Variants in ADCY7 observed in about 807,000 individuals in gnomAD.
ADCY7 encodes the protein adenylate cyclase 7.
A neutral mutation model predicts 120.6 loss-of-function variants in ADCY7; 72 were observed. That is an observed-to-expected ratio of 0.60 (90% CI 0.49 to 0.73). The LOEUF is 0.73. Among genes scored for constraint, ADCY7 ranks in the 30% least tolerant of loss-of-function variants. The probability of loss-of-function intolerance (pLI) is 0.00; values close to 1 mark genes in which losing one functional copy is unlikely to be tolerated. For synonymous variants in ADCY7, 661 were observed against 628.0 expected (o/e 1.05, Z -0.78); for missense variants, 1,227 against 1,486.0 (o/e 0.83, Z 2.87).
chr16:50,307,264 T>C, intron 15 of ADCY7, 117 bp downstream of exon 15: 1 of 892,174 alleles, frequency 1.1e-6, no homozygotes, highest in Non-Finnish European at 1.7e-6. Flanking sequence ...GCTGGGGTCC[T>C]AGCAACTGGA....
intron 17 of ADCY7, 71 bp downstream of exon 17, chr16:50,308,863 TG>T: frequency 6.6e-7 from 1 of 1,516,104 alleles, no homozygotes; most frequent in Non-Finnish European, 8.8e-7. Context: ...GCCTACAATG[TG>T]GCCTTAAAAG....
chr16:50,258,715 C>T (rs1052359444), intron 1 of ADCY7, among the ~76,000 whole-genome samples: 1 of 151,792 alleles, frequency 6.6e-6, no homozygotes, highest in Non-Finnish European at 1.5e-5. Context: ...ATCTCAGCCT[C>T]CCAAGTAGCT....
rs2036773546 is a variant in ADCY7 at position 50,315,806 on chromosome 16, G to C, written c.*301G>C. ...TGACTTTGAGATCTTTGTTCCCTGA[G>C]GTGCCAGGCAGGCAACTTTAGCACA... On this transcript the variant is annotated 3_prime_UTR_variant, in exon 26 of 26. Coordinates refer to ENST00000673801, the MANE Select transcript of ADCY7 (RefSeq NM_001114.5). The C allele has an allele frequency of 3.1e-6, 1 of 317,788 alleles. No individual in the cohort carries two copies. The highest frequency in any genetic ancestry group is 6.0e-6 in the Non-Finnish European group (1 of 165,606). The allele number at this position is 317,788 out of a possible 1,614,324, so 19.7% of individuals were successfully genotyped here.
At chr16:50,262,795 G>C (rs2033094503), upstream of ADCY7, among the ~76,000 whole-genome samples, 1 of 152,216 alleles carries the variant, frequency 6.6e-6, no homozygotes, top group Admixed American at 6.5e-5. Flanking sequence ...GGGTTGTGCT[G>C]TGTGCCCTGG....
chr16:50,259,188 G>A (rs903941696), intron 1 of ADCY7, among the ~76,000 whole-genome samples: 4 of 152,100 alleles, frequency 2.6e-5, no homozygotes, highest in Admixed American at 6.6e-5. Flanking sequence ...TTTTCTTCCC[G>A]ATTTTCTTGT....
chr16:50,308,410 C>G lies in ADCY7; in HGVS notation c.1934C>G (p.Ser645Trp). The G allele has an allele frequency of 6.2e-7, 1 of 1,614,172 alleles. No homozygotes were observed. The highest frequency in any genetic ancestry group is 8.5e-7 in the Non-Finnish European group (1 of 1,180,028). The change falls in exon 16 of 26, where the codon TCG (serine) becomes TGG (tryptophan). Residue 645 changes from serine to tryptophan, a missense_variant and splice_region_variant. Around this residue, in one of 5 missense-constraint regions of ADCY7, gnomAD observed 267 missense variants for 270.0 expected, o/e 0.99. Coordinates refer to ENST00000673801, the MANE Select transcript of ADCY7 (RefSeq NM_001114.5). ...GGCCTGTGCTTTGCCACCAAGTTCTCGGTAAGTGGGGAGCTCTGGCCCCGC... is the reference window on the plus strand; with the variant it reads ...GGCCTGTGCTTTGCCACCAAGTTCTGGGTAAGTGGGGAGCTCTGGCCCCGC... Reference protein sequence around the residue: ...VLGLCFATKFSRCCPARGTLC... With the variant: ...VLGLCFATKFWRCCPARGTLC...
At chr16:50,272,723 T>G (rs1292260143) in intron 1 of ADCY7, among the ~76,000 whole-genome samples, 1 of 152,056 alleles carries the variant, frequency 6.6e-6, no homozygotes, top group Non-Finnish European at 1.5e-5. Flanking sequence ...GGCATCTCCT[T>G]GCTGGAGCAG....
intron 1 of ADCY7, among the ~76,000 whole-genome samples, chr16:50,258,041 G>A (rs1030765883): frequency 1.3e-5 from 2 of 152,094 alleles, no homozygotes; most frequent in Non-Finnish European, 2.9e-5. Context: ...CACCGTGCCT[G>A]GCCTATATGT....
chr16:50,308,433 C>CG, intron 16 of ADCY7, 22 bp downstream of exon 16: 1 of 1,613,748 alleles, frequency 6.2e-7, no homozygotes, highest in Admixed American at 1.7e-5. Flanking sequence ...GCTCTGGCCC[C>CG]GCGGGCCCTC....
intron 1 of ADCY7, among the ~76,000 whole-genome samples, chr16:50,278,104 A>T (rs2034016047): frequency 6.6e-6 from 1 of 151,568 alleles, no homozygotes; most frequent in African/African-American, 2.4e-5. Context: ...TACAGGCATG[A>T]TCTTGGCTCA....
chr16:50,259,131 CTG>C (rs943166902), intron 1 of ADCY7, among the ~76,000 whole-genome samples: 1 of 152,200 alleles, frequency 6.6e-6, no homozygotes, highest in Non-Finnish European at 1.5e-5. Context: ...TAAAATAAAA[CTG>C]TGCCAAATTC....
intron 7 of ADCY7, among the ~76,000 whole-genome samples, chr16:50,296,402 C>G (rs774989113): frequency 1.4e-4 from 21 of 147,094 alleles, no homozygotes; most frequent in East Asian, 1.4e-3. Context: ...CTCTGTTGCC[C>G]AGGCTGGAGT....
intron 6 of ADCY7, among the ~76,000 whole-genome samples, chr16:50,294,091 A>C (rs1317628791): frequency 6.6e-6 from 1 of 152,192 alleles, no homozygotes; most frequent in Non-Finnish European, 1.5e-5. Context: ...TGGATGGTCC[A>C]TGAGCTTAAG....
intron 1 of ADCY7, among the ~76,000 whole-genome samples, chr16:50,255,102 A>C (rs767711337): frequency 9.3e-5 from 13 of 139,916 alleles, no homozygotes; most frequent in Non-Finnish European, 2.0e-4. Context: ...CCTGGGCAAC[A>C]TAGCAAGACC....
intron 1 of ADCY7, among the ~76,000 whole-genome samples, chr16:50,255,485 C>A (rs1023712079): frequency 6.0e-5 from 9 of 150,458 alleles, no homozygotes; most frequent in African/African-American, 2.0e-4. Flanking sequence ...TATTTACAGC[C>A]CAATGATTTG....
At chr16:50,256,138 A>G (rs2032911771) in intron 1 of ADCY7, among the ~76,000 whole-genome samples, 1 of 152,202 alleles carries the variant, frequency 6.6e-6, no homozygotes, top group South Asian at 2.1e-4. Flanking sequence ...AACAGAAGAG[A>G]CAACCGATAG....
intron 1 of ADCY7, among the ~76,000 whole-genome samples, chr16:50,274,367 A>T (rs2033748168): frequency 7.3e-6 from 1 of 136,786 alleles, no homozygotes; most frequent in Non-Finnish European, 1.5e-5. Context: ...GTGACCGGGA[A>T]TGGGGTCTTG....
intron 20 of ADCY7, 107 bp downstream of exon 20, chr16:50,311,893 A>C (rs746514889): frequency 4.1e-6 from 6 of 1,453,184 alleles, no homozygotes; most frequent in Non-Finnish European, 5.7e-6. Context: ...AGCAGAAAAG[A>C]CTAGAGTCCT....
At chr16:50,265,713 C>G (rs1195854153), upstream of ADCY7, among the ~76,000 whole-genome samples, 2 of 152,188 alleles carry the variant, frequency 1.3e-5, no homozygotes, top group Non-Finnish European at 2.9e-5. Context: ...AGGAGGTACA[C>G]CATTGCTTTG....
Sources: gnomAD v4.1 joint callset for allele counts (sites outside exome capture counted in the v4.1 genomes callset) on GRCh38, gnomAD v4.1.1 for gene constraint, gnomAD v4.1.1 regional missense constraint, MANE v1.5 for transcripts, NCBI Gene and HGNC (gene_info 2026-07-23, HGNC 2026-07-21) for gene names.